Variants in FHOD3 observed in about 807,000 individuals in gnomAD.
FHOD3 encodes the protein formin homology 2 domain containing 3, also known as FH1/FH2 domain-containing protein 3.
In FHOD3, 90 loss-of-function variants were observed where a neutral mutation model predicts 173.0. That is an observed-to-expected ratio of 0.52 (90% CI 0.44 to 0.62). The LOEUF is 0.62. Ranked by LOEUF, FHOD3 falls within the 20% of genes least tolerant of loss-of-function variation. The pLI is 0.00. For missense variants in FHOD3, 1,945 were observed against 2,034.7 expected, an observed-to-expected ratio of 0.96 and a Z score of 0.85; for synonymous variants, 828 against 823.0, an observed-to-expected ratio of 1.01 and a Z score of -0.10.
At chr18:36,656,796 G>A (rs559268419) in intron 13 of FHOD3, among the ~76,000 whole-genome samples, 2 of 152,172 alleles carry the variant, frequency 1.3e-5, no homozygotes, top group East Asian at 3.9e-4. Context: ...TTGCATAATA[G>A]TCCATTGACA....
intron 3 of FHOD3, among the ~76,000 whole-genome samples, chr18:36,470,207 T>C (rs1326549158): frequency 1.3e-5 from 2 of 152,174 alleles, no homozygotes; most frequent in Non-Finnish European, 2.9e-5. Context: ...GTTTCTCTTC[T>C]GTACTGAGCA....
Position 36,496,449 on chromosome 18 carries a change from G to A in FHOD3, c.338-5483G>A, listed in dbSNP as rs188003859. On this transcript the variant is annotated intron_variant, in intron 3 of 28. Transcript: ENST00000590592. The stretch of plus-strand genomic sequence containing the variant: ...CTTCCTAAGCCTCTAGGTAGACTGA[G>A]GTGTCTCTTAAAATGTATGTTACGA... 7.9e-5 allele frequency among the ~76,000 whole-genome samples: 12 copies of A among 152,326 alleles called. 1 individual carries two copies. The East Asian group carries it at 2.1e-3, about 27-fold the overall frequency.
chr18:36,518,628 TTG>T (rs1464048493), intron 5 of FHOD3, among the ~76,000 whole-genome samples: 1 of 152,120 alleles, frequency 6.6e-6, no homozygotes, highest in African/African-American at 2.4e-5. Flanking sequence ...GGTTTAAAGA[TTG>T]TGAATTATGA....
At chr18:36,667,162 A>G (rs2037234327) in intron 14 of FHOD3, among the ~76,000 whole-genome samples, 1 of 152,154 alleles carries the variant, frequency 6.6e-6, no homozygotes, top group Admixed American at 6.5e-5. Flanking sequence ...CTGTTGATAG[A>G]CACTTGGGTT....
intron 1 of FHOD3, among the ~76,000 whole-genome samples, chr18:36,316,215 A>G (rs907635487): frequency 2.0e-5 from 3 of 152,098 alleles, no homozygotes; most frequent in African/African-American, 7.2e-5. Flanking sequence ...TGCAAAGTCT[A>G]AACAGTTTAA....
In FHOD3 at chr18:36,450,462, TA is replaced by T. The variant is rs1376231406; in HGVS notation, c.338-51469del. On this transcript the variant is annotated intron_variant, in intron 3 of 28. Transcript: ENST00000590592. ...CAGTTTGTTTATTTATTTATTTATT[TA>T]TTTATTTATTTATTTATTTATTTAA... Among the ~76,000 whole-genome samples the T allele has an allele frequency of 4.1e-3, 581 of 142,410 alleles. 3 individuals are homozygous for T. The highest frequency in any genetic ancestry group is 0.016 in the African/African-American group (544 of 34,460). The allele number at this position is 142,410 out of a possible 152,430, so 93.4% of individuals were successfully genotyped here.
At chr18:36,660,349 C>G (rs1400553083) in intron 14 of FHOD3, among the ~76,000 whole-genome samples, 1 of 152,162 alleles carries the variant, frequency 6.6e-6, no homozygotes, top group Admixed American at 6.5e-5. Context: ...TATCCTGAGA[C>G]CACTGGAGCT....
chr18:36,661,529 A>T (rs1393458596), intron 14 of FHOD3, among the ~76,000 whole-genome samples: 1 of 152,180 alleles, frequency 6.6e-6, no homozygotes, highest in Non-Finnish European at 1.5e-5. Context: ...GTACAATACT[A>T]GGAAGTTCTA....
At chr18:36,335,558 G>T (rs1045614187) in intron 1 of FHOD3, among the ~76,000 whole-genome samples, 3 of 152,058 alleles carry the variant, frequency 2.0e-5, no homozygotes, top group African/African-American at 7.2e-5. Context: ...AATTTATGTT[G>T]GGCCGCATTC....
chr18:36,454,983 A>G (rs1020126826), intron 3 of FHOD3, among the ~76,000 whole-genome samples: 6 of 152,224 alleles, frequency 3.9e-5, no homozygotes, highest in African/African-American at 1.4e-4. Context: ...ACACATGCCC[A>G]TGTATCTCTG....
intron 7 of FHOD3, 35 bp from the exon 8 acceptor site, chr18:36,602,639 A>T (rs776889575): frequency 7.0e-7 from 1 of 1,422,464 alleles, no homozygotes; most frequent in South Asian, 1.1e-5. Flanking sequence ...ATGTTGATGA[A>T]TTGCTGTTTC....
chr18:36,569,349 T>G (rs2058378328), intron 5 of FHOD3, among the ~76,000 whole-genome samples: 1 of 152,048 alleles, frequency 6.6e-6, no homozygotes, highest in Non-Finnish European at 1.5e-5. Flanking sequence ...AGAAGTAGGC[T>G]TCAGAGCAAA....
At chr18:36,721,006 T>C (rs972152159) in intron 19 of FHOD3, among the ~76,000 whole-genome samples, 2 of 152,292 alleles carry the variant, frequency 1.3e-5, no homozygotes, top group South Asian at 4.1e-4. Context: ...ATGCTTCACC[T>C]ACCTCCCTCC....
intron 3 of FHOD3, among the ~76,000 whole-genome samples, chr18:36,482,858 C>CACACACACACACACAGAGAG (rs1400178557): frequency 7.7e-5 from 10 of 130,458 alleles, no homozygotes; most frequent in African/African-American, 2.8e-4. Context: ...CACACACACA[C>CACACACACACACACAGAGAG]AGAGAGAGAG....
chr18:36,395,701 A>G (rs910582508), intron 3 of FHOD3, among the ~76,000 whole-genome samples: 22 of 152,320 alleles, frequency 1.4e-4, no homozygotes, highest in African/African-American at 4.1e-4. Flanking sequence ...TAAGAGAAAT[A>G]TTAAAAGGAT....
intron 3 of FHOD3, among the ~76,000 whole-genome samples, chr18:36,413,802 G>C (rs1006988811): frequency 1.3e-5 from 2 of 152,094 alleles, no homozygotes; most frequent in African/African-American, 4.8e-5. Flanking sequence ...GTACATTTCA[G>C]TGTCATTACT....
intron 14 of FHOD3, among the ~76,000 whole-genome samples, chr18:36,665,629 A>G (rs1353504270): frequency 1.3e-5 from 2 of 152,230 alleles, no homozygotes; most frequent in African/African-American, 2.4e-5. Context: ...GAGCGAGTCC[A>G]TATCTTTCTT....
intron 5 of FHOD3, among the ~76,000 whole-genome samples, chr18:36,530,980 C>T (rs996645011): frequency 4.6e-5 from 7 of 152,118 alleles, no homozygotes; most frequent in Admixed American, 2.0e-4. Flanking sequence ...TCCACTGGTC[C>T]CCAAGGGTCT....
chr18:36,638,110 G>A (rs1055394637), intron 10 of FHOD3, among the ~76,000 whole-genome samples: 24 of 152,176 alleles, frequency 1.6e-4, no homozygotes, highest in African/African-American at 5.8e-4. Context: ...CTCAAAGGGA[G>A]TATGAATTCC....
Sources: allele counts gnomAD v4.1 joint callset (sites outside exome capture counted in the v4.1 genomes callset), GRCh38; gene constraint gnomAD v4.1.1; transcripts MANE v1.5; gene names NCBI Gene and HGNC (gene_info 2026-07-23, HGNC 2026-07-21).